The following CSMD1 variants were observed in gnomAD, a reference collection of about 807,000 sequenced individuals.
The protein encoded by CSMD1 is CUB and sushi domain-containing protein 1.
CSMD1 carries 213 observed loss-of-function variants against 417.5 expected under a neutral mutation model. That is an observed-to-expected ratio of 0.51 (90% CI 0.46 to 0.57). The LOEUF is 0.57. Ranked by LOEUF, CSMD1 falls within the 20% of genes least tolerant of loss-of-function variation. The pLI, the probability that CSMD1 is intolerant of heterozygous loss-of-function variation, is 0.00. For synonymous variants in CSMD1, 2,862 were observed against 1,736.8 expected (o/e 1.65, Z -16.11); for missense variants, 6,923 against 4,529.7 (o/e 1.53, Z -15.17).
At chr8:4,887,652 G>C (rs1803845138) in intron 1 of CSMD1, among the ~76,000 whole-genome samples, 1 of 151,462 alleles carries the variant, frequency 6.6e-6, no homozygotes, top group Non-Finnish European at 1.5e-5. Context: ...AATTCTACTG[G>C]TTTTGCTTTA....
At chr8:3,354,002 C>T (rs1808579615) in intron 21 of CSMD1, among the ~76,000 whole-genome samples, 1 of 152,204 alleles carries the variant, frequency 6.6e-6, no homozygotes, top group Non-Finnish European at 1.5e-5. Flanking sequence ...GACAGAGTGG[C>T]CTCAACAACA....
At chr8:3,763,668 C>G (rs1246712105) in intron 5 of CSMD1, among the ~76,000 whole-genome samples, 1 of 152,268 alleles carries the variant, frequency 6.6e-6, no homozygotes, top group East Asian at 1.9e-4. Flanking sequence ...CTGCAAAACA[C>G]ACTGACACAA....
rs561414933 is a variant in CSMD1, at chr8:3,536,842, G to C, written c.1344+38103C>G. 2.6e-5 allele frequency among the ~76,000 whole-genome samples: 4 copies of C among 152,264 alleles called. No homozygotes were observed. The East Asian group carries it at 7.7e-4, about 29-fold the overall frequency. ...CCATCCTTGGGTGTTCGGTCCCACG[G>C]TCCGTGTTCTGTGGCTCAGATAAGA... is the stretch of plus-strand genomic sequence containing the variant. On this transcript the variant is annotated intron_variant, in intron 10 of 69. Transcript: ENST00000635120.
chr8:4,763,013 C>G (rs1186435610), intron 1 of CSMD1, among the ~76,000 whole-genome samples: 2 of 152,168 alleles, frequency 1.3e-5, no homozygotes. Context: ...CAAAGACAGA[C>G]TGTGAGTTTA....
At chr8:4,839,481 T>A (rs908311157) in intron 1 of CSMD1, among the ~76,000 whole-genome samples, 1 of 152,150 alleles carries the variant, frequency 6.6e-6, no homozygotes, top group Non-Finnish European at 1.5e-5. Flanking sequence ...CACTGAAAAA[T>A]CCTAACTCAG....
chr8:4,066,149 G>T (rs937062895), intron 3 of CSMD1, among the ~76,000 whole-genome samples: 1 of 152,126 alleles, frequency 6.6e-6, no homozygotes, highest in East Asian at 1.9e-4. Flanking sequence ...CTGTTTGGAA[G>T]ACTCACCCAT....
At chr8:3,370,077 G>C (rs145366311) in intron 18 of CSMD1, among the ~76,000 whole-genome samples, 1 of 152,306 alleles carries the variant, frequency 6.6e-6, no homozygotes, top group Admixed American at 6.5e-5. Flanking sequence ...CCTACTGATA[G>C]ATACTGATCA....
At chr8:4,322,953 C>G (rs1799350698) in intron 3 of CSMD1, among the ~76,000 whole-genome samples, 2 of 152,154 alleles carry the variant, frequency 1.3e-5, no homozygotes, top group Middle Eastern at 3.2e-3. Flanking sequence ...CCCCTGCAAC[C>G]CAGCCTGGGT....
chr8:4,935,976 T>C (rs1037760806), intron 1 of CSMD1, among the ~76,000 whole-genome samples: 1 of 152,186 alleles, frequency 6.6e-6, no homozygotes, highest in African/African-American at 2.4e-5. Flanking sequence ...AGCAGCTTCA[T>C]GGAAGAATCA....
intron 50 of CSMD1, among the ~76,000 whole-genome samples, chr8:3,030,643 C>A (rs1810284091): frequency 6.6e-6 from 1 of 151,904 alleles, no homozygotes; most frequent in African/African-American, 2.4e-5. Context: ...CACCACCATG[C>A]CCAGCTAATT....
intron 41 of CSMD1, among the ~76,000 whole-genome samples, chr8:3,131,010 G>A (rs1022910430): frequency 1.3e-5 from 2 of 152,070 alleles, no homozygotes; most frequent in Non-Finnish European, 2.9e-5. Flanking sequence ...AGTTTCTTAC[G>A]GTCCTCCAGC....
chr8:3,319,737 T>A (rs2117470161), intron 23 of CSMD1, among the ~76,000 whole-genome samples: 1 of 152,260 alleles, frequency 6.6e-6, no homozygotes, highest in Admixed American at 6.5e-5. Flanking sequence ...AAGAAAAGTG[T>A]CAGAAGAACA....
At chr8:3,812,381 C>A (rs572015964) in intron 5 of CSMD1, among the ~76,000 whole-genome samples, 4 of 152,072 alleles carry the variant, frequency 2.6e-5, no homozygotes, top group Non-Finnish European at 5.9e-5. Context: ...TAGTGAGATA[C>A]TTAAATGCAG....
chr8:2,984,962 G>A (rs1040497725), intron 54 of CSMD1, among the ~76,000 whole-genome samples: 1 of 152,170 alleles, frequency 6.6e-6, no homozygotes, highest in Non-Finnish European at 1.5e-5. Context: ...ATGTTTTAAA[G>A]TATAACTTCT....
intron 3 of CSMD1, among the ~76,000 whole-genome samples, chr8:4,382,370 C>A (rs754319571): frequency 3.3e-5 from 5 of 152,136 alleles, no homozygotes; most frequent in Non-Finnish European, 5.9e-5. Context: ...CACACATTTC[C>A]CAGATAATTC....
At chr8:4,538,292 G>A (rs764127374) in intron 2 of CSMD1, among the ~76,000 whole-genome samples, 3 of 150,876 alleles carry the variant, frequency 2.0e-5, no homozygotes, top group Admixed American at 6.6e-5. Flanking sequence ...CTACCACTAC[G>A]ACATTGCAAA....
intron 5 of CSMD1, among the ~76,000 whole-genome samples, chr8:3,948,043 T>C (rs1037608985): frequency 6.6e-6 from 1 of 152,048 alleles, no homozygotes; most frequent in African/African-American, 2.4e-5. Context: ...CCGTCTCTAC[T>C]AAAAATATAA....
At chr8:4,674,282 G>A (rs188509528) in intron 1 of CSMD1, among the ~76,000 whole-genome samples, 3 of 152,286 alleles carry the variant, frequency 2.0e-5, no homozygotes, top group Admixed American at 2.0e-4. Flanking sequence ...AGTCTGGCAT[G>A]TGCAGGGCAC....
chr8:3,693,884 G>C (rs1800393327), intron 7 of CSMD1, among the ~76,000 whole-genome samples: 2 of 150,704 alleles, frequency 1.3e-5, no homozygotes, highest in South Asian at 2.1e-4. Flanking sequence ...CGTGTATGTT[G>C]AATATAGATG....
Sources: gnomAD v4.1 joint callset for allele counts (sites outside exome capture counted in the v4.1 genomes callset) on GRCh38, gnomAD v4.1.1 for gene constraint, MANE v1.5 for transcripts, NCBI Gene and HGNC (gene_info 2026-07-23, HGNC 2026-07-21) for gene names.